Variants in KIFC3 observed in about 807,000 individuals in gnomAD.
KIFC3 encodes kinesin-like protein KIFC3.
A neutral mutation model predicts 101.8 loss-of-function variants in KIFC3; 60 were observed. The observed-to-expected ratio is 0.59, with a 90% CI of 0.48 to 0.73. The LOEUF is 0.73. Ranked by LOEUF, KIFC3 falls within the 30% of genes least tolerant of loss-of-function variation. KIFC3 has a pLI of 0.00. For missense variants in KIFC3, 966 were observed against 1,137.1 expected, an observed-to-expected ratio of 0.85 and a Z score of 2.16; for synonymous variants, 476 against 482.7, an observed-to-expected ratio of 0.99 and a Z score of 0.18.
At chr16:57,859,084 CAG>C (rs1201134319) in intron 1 of KIFC3, among the ~76,000 whole-genome samples, 1 of 152,110 alleles carries the variant, frequency 6.6e-6, no homozygotes, top group Non-Finnish European at 1.5e-5. Flanking sequence ...AAAAGGCAAA[CAG>C]ACACTTTTAC....
rs1555624017 is a variant in KIFC3 at position 57,798,210 on chromosome 16, CTCCCAGGTTCCACG to C, written c.20_33del (p.Thr7SerfsTer57). The C allele has an allele frequency of 6.5e-7, 1 of 1,546,972 alleles. No individual in the cohort carries two copies. The highest frequency in any genetic ancestry group is 1.4e-5 in the African/African-American group (1 of 73,148). The stretch of plus-strand genomic sequence containing the variant: ...CACAGGCCCCGCAGCGAGGGCGTGG[CTCCCAGGTTCCACG>C]TCCTGCGAGAGGGGACCATGGCCTG... On this transcript the variant is annotated frameshift_variant, in exon 2 of 20. Coordinates refer to ENST00000445690, the MANE Select transcript of KIFC3 (RefSeq NM_001130100.2). LOFTEE classifies it high-confidence loss of function.
chr16:57,759,704 C>G (rs1447227519), intron 18 of KIFC3, 24 bp downstream of exon 18: 18 of 1,575,222 alleles, frequency 1.1e-5, no homozygotes, highest in Admixed American at 3.5e-5. Context: ...AGACTCCCCA[C>G]CCACACTGCC....
intron 1 of KIFC3, among the ~76,000 whole-genome samples, chr16:57,820,854 C>T (rs1461186247): frequency 6.6e-6 from 1 of 152,132 alleles, no homozygotes. Flanking sequence ...GGTGCAGTGG[C>T]TCATGCCTAT....
At chr16:57,768,716 C>G (rs563810890) in intron 9 of KIFC3, among the ~76,000 whole-genome samples, 1 of 152,326 alleles carries the variant, frequency 6.6e-6, no homozygotes, top group Admixed American at 6.5e-5. Flanking sequence ...GAACTATATT[C>G]TGTTCCCAAA....
intron 1 of KIFC3, among the ~76,000 whole-genome samples, chr16:57,830,319 C>T (rs1421986374): frequency 6.7e-6 from 1 of 149,230 alleles, no homozygotes; most frequent in Non-Finnish European, 1.5e-5. Context: ...CTCTCTGCAG[C>T]CTCCCCCTCC....
intron 1 of KIFC3, among the ~76,000 whole-genome samples, chr16:57,857,453 T>G (rs977904140): frequency 2.0e-5 from 3 of 151,902 alleles, no homozygotes; most frequent in Non-Finnish European, 2.9e-5. Flanking sequence ...ACATGCAGGT[T>G]TGTTACATAG....
chr16:57,808,297 G>A (rs1555627296), intron 1 of KIFC3, among the ~76,000 whole-genome samples: 3 of 152,156 alleles, frequency 2.0e-5, no homozygotes, highest in African/African-American at 7.2e-5. Flanking sequence ...CGCCCTGAGA[G>A]TAGCACGGGC....
rs782513632 is a variant in KIFC3 at position 57,762,180 on chromosome 16, T to C, written c.1708A>G (p.Ile570Val). 6.2e-7 allele frequency: 1 copy of C among 1,611,182 alleles called. No homozygotes were observed. Among genetic ancestry groups the C allele is most frequent in the East Asian group, 2.2e-5 (1 of 44,846 alleles). ...QEKASDWEYTITVSAAEIYNE... is the reference protein window; with the variant it reads ...QEKASDWEYTVTVSAAEIYNE... ...TAGATCTCCGCAGCGCTGACGGTGA[T>C]GGTGTACTCCCAGTCAGACGCCTTC... is the stretch of plus-strand genomic sequence containing the variant. The change falls in exon 13 of 20, where the codon ATC becomes GTC. Residue 570 changes from isoleucine to valine, a missense_variant. By Grantham distance (29) the Ile-to-Val change is conservative (BLOSUM62 3). Coordinates refer to ENST00000445690, the MANE Select transcript of KIFC3 (RefSeq NM_001130100.2).
At chr16:57,759,901 T>C in intron 17 of KIFC3, 65 bp from the exon 18 acceptor site, 1 of 1,239,928 alleles carries the variant, frequency 8.1e-7, no homozygotes, top group Non-Finnish European at 1.1e-6. Flanking sequence ...CCTGCTGTGC[T>C]TCTCTCTACT....
chr16:57,788,962 G>C (rs2053608592), intron 3 of KIFC3, among the ~76,000 whole-genome samples: 1 of 152,222 alleles, frequency 6.6e-6, no homozygotes, highest in Non-Finnish European at 1.5e-5. Context: ...CACCAGCAAA[G>C]AAGGTTCTTA....
intron 1 of KIFC3, chr16:57,810,738 C>T: frequency 3.1e-6 from 3 of 953,636 alleles, no homozygotes; most frequent in Non-Finnish European, 3.7e-6. Flanking sequence ...ACTCTTTACA[C>T]ACAGGATTGC....
intron 1 of KIFC3, among the ~76,000 whole-genome samples, chr16:57,820,245 C>T (rs1453282115): frequency 6.6e-6 from 1 of 152,142 alleles, no homozygotes; most frequent in Admixed American, 6.6e-5. Flanking sequence ...CCATGCAGCT[C>T]AGCTGTCCAC....
intron 1 of KIFC3, among the ~76,000 whole-genome samples, chr16:57,836,270 A>C (rs2055684889): frequency 6.6e-6 from 1 of 151,820 alleles, no homozygotes; most frequent in Non-Finnish European, 1.5e-5. Context: ...ATTCCACTAC[A>C]CCCGGCTAAT....
At chr16:57,764,275 T>TGGGGGGGGGGGGGGGGGTTGGGGGGG in intron 11 of KIFC3, 28 bp from the exon 12 acceptor site, 1 of 539,938 alleles carries the variant, frequency 1.9e-6, no homozygotes, top group African/African-American at 2.0e-5. Flanking sequence ...GGGAGGCTGG[T>TGGGGGGGGGGGGGGGGGTTGGGGGGG]GGGGGGGCTT....
intron 1 of KIFC3, among the ~76,000 whole-genome samples, chr16:57,850,332 A>G (rs992159216): frequency 6.7e-6 from 1 of 148,182 alleles, no homozygotes; most frequent in Non-Finnish European, 1.5e-5. Context: ...GAGCCCAGGA[A>G]TTTGAGGCTG....
intron 11 of KIFC3, 28 bp from the exon 12 acceptor site, chr16:57,764,275 T>TGGGGGGGGGGGGGGGTGGGGGGG: frequency 1.9e-6 from 1 of 539,922 alleles, no homozygotes; most frequent in Admixed American, 2.4e-5. Flanking sequence ...GGGAGGCTGG[T>TGGGGGGGGGGGGGGGTGGGGGGG]GGGGGGGCTT....
chr16:57,797,977 A>C, intron 2 of KIFC3, 95 bp downstream of exon 2: 1 of 1,546,540 alleles, frequency 6.5e-7, no homozygotes, highest in South Asian at 1.2e-5. Flanking sequence ...GACAGCTCTG[A>C]CTGGGCTTAG....
chr16:57,808,400 C>G (rs533839831), intron 1 of KIFC3, among the ~76,000 whole-genome samples: 2 of 152,082 alleles, frequency 1.3e-5, no homozygotes, highest in Admixed American at 6.6e-5. Context: ...AAGTGTTCTG[C>G]CGCTTCTCTC....
intron 3 of KIFC3, 121 bp downstream of exon 3, chr16:57,794,878 G>A (rs2054163882): frequency 2.4e-6 from 2 of 842,898 alleles, no homozygotes; most frequent in African/African-American, 3.6e-5. Flanking sequence ...CCAACAGAGA[G>A]GTGCGAGGTG....
Sources: allele counts gnomAD v4.1 joint callset (sites outside exome capture counted in the v4.1 genomes callset), GRCh38; gene constraint gnomAD v4.1.1; transcripts MANE v1.5; gene names NCBI Gene and HGNC (gene_info 2026-07-23, HGNC 2026-07-21).